TUT4: variants seen among roughly 807,000 people sequenced by gnomAD.
TUT4 encodes the protein terminal uridylyl transferase 4, also known as terminal uridylyltransferase 4.
In TUT4, 36 loss-of-function variants were observed where a neutral mutation model predicts 192.2. The ratio of observed to expected loss-of-function variants is 0.19; its 90% confidence interval spans 0.14 to 0.25. TUT4 has a LOEUF of 0.25. Ranked by LOEUF, TUT4 falls within the 10% of genes least tolerant of loss-of-function variation. The pLI, the probability that TUT4 is intolerant of heterozygous loss-of-function variation, is 1.00. For missense variants in TUT4, 1,493 were observed against 1,957.2 expected (o/e 0.76, Z 4.47); for synonymous variants, 618 against 666.0 (o/e 0.93, Z 1.11).
At chr1:52,436,706 T>A (rs1378735882) in intron 26 of TUT4, 49 bp downstream of exon 26, 1 of 1,609,350 alleles carries the variant, frequency 6.2e-7, no homozygotes, top group Admixed American at 1.7e-5. Context: ...GCAAGCAACA[T>A]AAATGACTTC....
chr1:52,526,256 T>A lies in TUT4; in HGVS notation c.25A>T (p.Ser9Cys). 1 of 1,574,902 alleles carries A rather than the reference T, an allele frequency of 6.3e-7. No homozygotes were observed. Among genetic ancestry groups the A allele is most frequent in the Non-Finnish European group, 8.6e-7 (1 of 1,168,800 alleles). ...TTCTTCTTTGGTTCATGATTTTCAC[T>A]TTTTAAGGTTTTAGACTCTTCCATT... MEESKTLK[S>C]ENHEPKKNVI... The change falls in exon 2 of 30, where the codon AGT becomes TGT. Residue 9 changes from serine to cysteine, a missense_variant. Physicochemically the swap from Ser to Cys is moderately radical, Grantham distance 112. This residue lies in a region of TUT4 where 260 missense variants were observed against 247.8 expected (regional missense o/e 1.05). Transcript: ENST00000257177.
intron 1 of TUT4, among the ~76,000 whole-genome samples, chr1:52,528,421 G>C (rs1461030361): frequency 1.3e-5 from 2 of 151,018 alleles, no homozygotes; most frequent in African/African-American, 4.9e-5. Context: ...AGACCAGGAG[G>C]CAGAGGTTGC....
intron 2 of TUT4, among the ~76,000 whole-genome samples, chr1:52,523,682 C>T (rs1033960447): frequency 1.3e-5 from 2 of 151,616 alleles, no homozygotes; most frequent in Non-Finnish European, 2.9e-5. Flanking sequence ...TTTCCCATAT[C>T]TAAACATTAC....
intron 1 of TUT4, among the ~76,000 whole-genome samples, chr1:52,545,816 G>T (rs887590709): frequency 6.6e-6 from 1 of 151,880 alleles, no homozygotes; most frequent in South Asian, 2.1e-4. Context: ...TGATGCTAAG[G>T]TGTCAAAAAT....
rs576201128 is a variant in TUT4 at position 52,491,412 on chromosome 1, G to A, written c.1319-611C>T. On this transcript the variant is annotated intron_variant, in intron 7 of 29. Transcript: ENST00000257177. ...CTAAATAAAAACAGATAGATTGGCC[G>A]GGCATGGTGGCTCACACCTGTAATC... Among the ~76,000 whole-genome samples, 11 of 152,274 alleles carry A rather than the reference G, an allele frequency of 7.2e-5. No individual in the cohort carries two copies. In the East Asian group the frequency reaches 1.3e-3, roughly 19 times the overall value.
chr1:52,455,054 G>T (rs1375196803), intron 20 of TUT4, among the ~76,000 whole-genome samples: 2 of 152,176 alleles, frequency 1.3e-5, no homozygotes, highest in Admixed American at 1.3e-4. Flanking sequence ...GGAGGCCAAG[G>T]CAGGCAAATT....
At chr1:52,478,111 C>T (rs953174755) in intron 11 of TUT4, among the ~76,000 whole-genome samples, 6 of 152,140 alleles carry the variant, frequency 3.9e-5, no homozygotes, top group Admixed American at 6.5e-5. Context: ...ACCTTGGCTG[C>T]ACATTAGAAT....
intron 4 of TUT4, among the ~76,000 whole-genome samples, chr1:52,502,669 C>T (rs191397102): frequency 3.3e-5 from 4 of 121,416 alleles, no homozygotes; most frequent in East Asian, 2.9e-4. Context: ...CCCAGGTTGG[C>T]GTGGCGTGCA....
At chr1:52,463,849 C>T in intron 16 of TUT4, 1 of 1,236,828 alleles carries the variant, frequency 8.1e-7, no homozygotes. Flanking sequence ...AGGTCTGCTC[C>T]TGGCATCTCA....
intron 20 of TUT4, among the ~76,000 whole-genome samples, chr1:52,447,451 CA>C (rs1253257001): frequency 4.7e-4 from 47 of 100,494 alleles, no homozygotes; most frequent in African/African-American, 1.7e-3. Context: ...TCCATCTCAC[CA>C]AAAAAAAACA....
At chr1:52,488,524 T>G (rs966990754) in intron 9 of TUT4, among the ~76,000 whole-genome samples, 1 of 152,216 alleles carries the variant, frequency 6.6e-6, no homozygotes, top group Non-Finnish European at 1.5e-5. Flanking sequence ...ATAGCATTCT[T>G]AGAGACTGGG....
At chr1:52,507,235 C>T (rs1557885237) in intron 4 of TUT4, among the ~76,000 whole-genome samples, 1 of 152,322 alleles carries the variant, frequency 6.6e-6, no homozygotes, top group East Asian at 1.9e-4. Context: ...ATCCACAGTT[C>T]TCTGGATTTC....
intron 9 of TUT4, among the ~76,000 whole-genome samples, chr1:52,483,181 C>G (rs1377180008): frequency 6.6e-6 from 1 of 151,772 alleles, no homozygotes; most frequent in East Asian, 1.9e-4. Flanking sequence ...TGTCCTTGAC[C>G]CTAAAGAGAT....
chr1:52,485,818 A>C (rs1369809543), intron 9 of TUT4, among the ~76,000 whole-genome samples: 1 of 152,026 alleles, frequency 6.6e-6, no homozygotes, highest in Non-Finnish European at 1.5e-5. Context: ...TCATTTGCTT[A>C]TATTTCATTT....
chr1:52,499,620 C>T (rs1673527573), intron 4 of TUT4, among the ~76,000 whole-genome samples: 1 of 152,038 alleles, frequency 6.6e-6, no homozygotes, highest in African/African-American at 2.4e-5. Context: ...CCTCCAGTCC[C>T]ACCTACTCAG....
Position 52,513,141 on chromosome 1 carries a change from A to G in TUT4, c.882+2750T>C, listed in dbSNP as rs537512348. ...CTGTCTCAAAAAAAAAAAAAAAAGT[A>G]CAATGAATTTGCCCGAGCACTGTGG... On this transcript the variant is annotated intron_variant, in intron 3 of 29. Coordinates refer to ENST00000257177, the MANE Select transcript of TUT4 (RefSeq NM_001009881.3). Among the ~76,000 whole-genome samples the G allele has an allele frequency of 7.2e-4, 108 of 150,674 alleles. 2 individuals are homozygous for G. The South Asian group carries it at 0.022, about 31-fold the overall frequency.
At chr1:52,426,927 A>C (rs779641287) in intron 28 of TUT4, among the ~76,000 whole-genome samples, 14 of 152,120 alleles carry the variant, frequency 9.2e-5, no homozygotes, top group Non-Finnish European at 2.1e-4. Flanking sequence ...TATTATTTTA[A>C]TATATTTCCA....
chr1:52,553,185 A>C (rs1175966117), upstream of TUT4: 1 of 145,512 alleles, frequency 6.9e-6, no homozygotes, highest in Admixed American at 6.7e-5. Flanking sequence ...GGGGCGAGGG[A>C]GAGCGGTTGC....
At chr1:52,474,791 A>C (rs768037269) in intron 13 of TUT4, 41 bp downstream of exon 13, 37 of 1,501,952 alleles carry the variant, frequency 2.5e-5, no homozygotes, top group Middle Eastern at 2.0e-4. Flanking sequence ...GTCATACAAC[A>C]ACCACAAAAT....
Sources: gnomAD v4.1 joint callset for allele counts (sites outside exome capture counted in the v4.1 genomes callset) on GRCh38, gnomAD v4.1.1 for gene constraint, gnomAD v4.1.1 regional missense constraint, MANE v1.5 for transcripts, NCBI Gene and HGNC (gene_info 2026-07-23, HGNC 2026-07-21) for gene names.